Variants in KAZN observed in about 807,000 individuals in gnomAD.
KAZN encodes the protein kazrin.
In KAZN, 40 loss-of-function variants were observed where a neutral mutation model predicts 87.4. The ratio of observed to expected loss-of-function variants is 0.46; its 90% CI spans 0.36 to 0.60. KAZN has a LOEUF of 0.60. Among genes scored for constraint, KAZN ranks in the 20% least tolerant of loss-of-function variants. KAZN has a pLI of 0.00. For missense variants in KAZN, 898 were observed against 1,073.9 expected (o/e 0.84, Z 2.29); for synonymous variants, 466 against 458.3 (o/e 1.02, Z -0.22).
At chr1:14,888,768 C>T (rs979197150) in intron 1 of KAZN, among the ~76,000 whole-genome samples, 8 of 151,914 alleles carry the variant, frequency 5.3e-5, no homozygotes, top group African/African-American at 1.9e-4. Context: ...ATTTATTTCT[C>T]ACTCATACTA....
At chr1:14,663,826 CA>C (rs1428146805) in intron 1 of KAZN, among the ~76,000 whole-genome samples, 1 of 152,092 alleles carries the variant, frequency 6.6e-6, no homozygotes, top group African/African-American at 2.4e-5. Flanking sequence ...GTTATGTACC[CA>C]AAAGAATGGA....
Position 14,598,797 on chromosome 1 carries a change from A to C in KAZN, c.-201A>C, listed in dbSNP as rs1676696686. ...CGCCTCCTCCCCCCGCCGCCTCGCC[A>C]CCGCCGCGGCTAGGGCTGGAGGCGC... On this transcript the variant is annotated 5_prime_UTR_variant, in exon 1 of 15. Transcript: ENST00000376030. The surrounding 1 kb of genome is among the most constrained non-coding windows in gnomAD (Gnocchi z 4.2). 7 of 1,243,622 alleles carry C rather than the reference A, an allele frequency of 5.6e-6. No homozygotes were observed. Among genetic ancestry groups the C allele is most frequent in the Non-Finnish European group, 6.1e-6 (6 of 988,376 alleles). 77.0% of individuals were successfully genotyped at this position (1,243,622 alleles called of 1,614,324 possible).
chr1:14,625,613 T>C (rs922083031), intron 1 of KAZN, among the ~76,000 whole-genome samples: 2 of 152,202 alleles, frequency 1.3e-5, no homozygotes, highest in Non-Finnish European at 2.9e-5. Context: ...TTTGACAAGA[T>C]AGAGTTTTGA....
chr1:14,540,139 T>A (rs755923043), intron 2 of KAZN, among the ~76,000 whole-genome samples: 9 of 152,152 alleles, frequency 5.9e-5, no homozygotes, highest in Non-Finnish European at 1.0e-4. Context: ...GTCACTTCAC[T>A]TTATCATCCC....
chr1:14,705,955 C>T (rs1203890906), intron 1 of KAZN, among the ~76,000 whole-genome samples: 1 of 152,118 alleles, frequency 6.6e-6, no homozygotes, highest in East Asian at 1.9e-4. Flanking sequence ...GGCAGGTGGG[C>T]AAGTGAATGA....
chr1:14,276,728 T>G (rs1036477291), intron 2 of KAZN, among the ~76,000 whole-genome samples: 1 of 152,200 alleles, frequency 6.6e-6, no homozygotes, highest in Non-Finnish European at 1.5e-5. Flanking sequence ...CATCTTAATT[T>G]GATCACTTGC....
chr1:14,807,347 A>G (rs925946784), intron 1 of KAZN, among the ~76,000 whole-genome samples: 1 of 152,158 alleles, frequency 6.6e-6, no homozygotes, highest in African/African-American at 2.4e-5. Flanking sequence ...AGCTCTTCCT[A>G]CAATTCCATA....
chr1:14,977,197 A>G (rs1263064176), intron 2 of KAZN, among the ~76,000 whole-genome samples: 1 of 152,244 alleles, frequency 6.6e-6, no homozygotes, highest in Non-Finnish European at 1.5e-5. Flanking sequence ...CCTGAGGGTC[A>G]GGACCTGACG....
intron 2 of KAZN, among the ~76,000 whole-genome samples, chr1:14,256,146 A>C (rs190464276): frequency 3.9e-5 from 6 of 152,096 alleles, no homozygotes; most frequent in Admixed American, 2.0e-4. Context: ...TCTTTTCCTA[A>C]TCCTTCTATG....
In KAZN at chr1:14,853,914, G is replaced by A. The variant is rs150516143; in HGVS notation, c.227-106770G>A. ...GGGCAAGAAACGAAGATCAGAGGAA[G>A]AGGAAAGTCAGCATGAAGTGAGAGG... On this transcript the variant is annotated intron_variant, in intron 1 of 14. Transcript: ENST00000376030. 5.8e-3 allele frequency among the ~76,000 whole-genome samples: 886 copies of A among 152,346 alleles called. 10 individuals carry two copies. Among genetic ancestry groups the A allele is most frequent in the African/African-American group, 0.02 (836 of 41,592 alleles).
chr1:14,590,559 T>C (rs1383795198), intron 2 of KAZN, among the ~76,000 whole-genome samples: 1 of 152,104 alleles, frequency 6.6e-6, no homozygotes, highest in East Asian at 1.9e-4. Flanking sequence ...GCCTGAGTGT[T>C]TTACTCATGG....
At chr1:14,529,010 T>A (rs2148477345) in intron 2 of KAZN, among the ~76,000 whole-genome samples, 1 of 151,762 alleles carries the variant, frequency 6.6e-6, no homozygotes, top group Non-Finnish European at 1.5e-5. Context: ...TATAACAAAA[T>A]AATTGTCTTT....
intron 1 of KAZN, among the ~76,000 whole-genome samples, chr1:14,896,803 A>C (rs183068317): frequency 2.1e-4 from 32 of 152,330 alleles, no homozygotes; most frequent in Admixed American, 1.7e-3. Flanking sequence ...GGGAAGAGCA[A>C]GAATGTAACA....
chr1:14,391,312 C>G (rs1171500337), intron 2 of KAZN: 1 of 152,254 alleles, frequency 6.6e-6, no homozygotes, highest in African/African-American at 2.4e-5. Context: ...TCCTTGGTCT[C>G]TTCTCTTTGC....
At chr1:15,102,549 T>C (rs1323245889) in intron 11 of KAZN, among the ~76,000 whole-genome samples, 2 of 152,030 alleles carry the variant, frequency 1.3e-5, no homozygotes, top group Non-Finnish European at 2.9e-5. Context: ...TGAGTCCAGG[T>C]AGCTGACTTT....
At chr1:14,807,893 C>T (rs954455202) in intron 1 of KAZN, among the ~76,000 whole-genome samples, 1 of 152,148 alleles carries the variant, frequency 6.6e-6, no homozygotes, top group Non-Finnish European at 1.5e-5. Context: ...CTCCACTCCC[C>T]TAGAGATAGA....
chr1:14,526,702 A>T (rs925117741), intron 2 of KAZN, among the ~76,000 whole-genome samples: 1 of 121,502 alleles, frequency 8.2e-6, no homozygotes, highest in Non-Finnish European at 2.0e-5. Context: ...GTCTCTCTGG[A>T]TATCAAAAAC....
chr1:14,759,639 C>T (rs1042617458), intron 1 of KAZN, among the ~76,000 whole-genome samples: 8 of 152,090 alleles, frequency 5.3e-5, no homozygotes, highest in Non-Finnish European at 7.4e-5. Flanking sequence ...AAGCATCAGA[C>T]GGCTTTAATA....
At chr1:14,384,628 A>G (rs1350642767) in intron 2 of KAZN, among the ~76,000 whole-genome samples, 1 of 151,840 alleles carries the variant, frequency 6.6e-6, no homozygotes, top group East Asian at 1.9e-4. Flanking sequence ...TTATTGATTT[A>G]GGTATATTGA....
Sources: gnomAD v4.1 joint callset for allele counts (sites outside exome capture counted in the v4.1 genomes callset) on GRCh38, gnomAD v4.1.1 for gene constraint, Gnocchi (gnomAD v3.1) non-coding constraint, MANE v1.5 for transcripts, NCBI Gene and HGNC (gene_info 2026-07-23, HGNC 2026-07-21) for gene names.